Variants in PCMT1 observed in about 807,000 individuals in gnomAD.
The protein encoded by PCMT1 is protein-L-isoaspartate (D-aspartate) O-methyltransferase.
PCMT1 carries 9 observed loss-of-function variants against 29.2 expected under a neutral mutation model. That is an observed-to-expected ratio of 0.31 (90% CI 0.19 to 0.54). PCMT1 has a LOEUF of 0.54. Ranked by LOEUF, PCMT1 falls within the 20% of genes least tolerant of loss-of-function variation. The pLI is 0.95. For synonymous variants in PCMT1, 98 were observed against 97.5 expected, an observed-to-expected ratio of 1.00 and a Z score of -0.03; for missense variants, 184 against 282.2, an observed-to-expected ratio of 0.65 and a Z score of 2.49.
chr6:149,771,170 A>G lies in PCMT1; in HGVS notation c.64A>G (p.Ile22Val). The G allele has an allele frequency of 6.2e-7, 1 of 1,600,372 alleles. No homozygotes were observed. Among genetic ancestry groups the G allele is most frequent in the Non-Finnish European group, 8.5e-7 (1 of 1,170,240 alleles). ...ELIHNLRKNG[I>V]IKTDKVFEVM... ...TGCCTCACTTGTTTCAGAAAATGGAATCATCAAGACAGATAAAGTATTTGA... is the reference window on the plus strand; with the variant it reads ...TGCCTCACTTGTTTCAGAAAATGGAGTCATCAAGACAGATAAAGTATTTGA... The change falls in exon 2 of 8, where the codon ATC becomes GTC. Residue 22 changes from isoleucine to valine, a missense_variant. By Grantham distance (29) the Ile-to-Val change is conservative. Coordinates refer to ENST00000464889, the MANE Select transcript of PCMT1 (RefSeq NM_001360452.2).
At chr6:149,755,623 T>C (rs1199564789) in intron 1 of PCMT1, among the ~76,000 whole-genome samples, 2 of 152,210 alleles carry the variant, frequency 1.3e-5, no homozygotes, top group East Asian at 3.8e-4. Context: ...TAATGATCAA[T>C]TGTTTCTACT....
Position 149,776,604 on chromosome 6 carries a change from G to T in PCMT1, c.192+3435G>T, listed in dbSNP as rs73608693. 4.8e-3 allele frequency among the ~76,000 whole-genome samples: 733 copies of T among 152,000 alleles called. 6 individuals carry two copies. The highest frequency in any genetic ancestry group is 0.017 in the African/African-American group (718 of 41,442). On this transcript the variant is annotated intron_variant, in intron 3 of 7. Transcript: ENST00000464889. Reference sequence around the variant, plus strand: ...TAAAATTTTTTTTTGTAGAGACAGGGCCTCACTTTGTTACCCCAGGTTGGT... The same window carrying T: ...TAAAATTTTTTTTTGTAGAGACAGGTCCTCACTTTGTTACCCCAGGTTGGT...
chr6:149,771,293 A>G, intron 2 of PCMT1, 27 bp downstream of exon 2: 3 of 1,311,984 alleles, frequency 2.3e-6, no homozygotes, highest in Non-Finnish European at 3.3e-6. Flanking sequence ...TGAAAATATC[A>G]TAGTTTTCAT....
rs1204740762 is a variant in PCMT1 at position 149,771,170 on chromosome 6, A to T, written c.64A>T (p.Ile22Phe). The change falls in exon 2 of 8, where the codon ATC becomes TTC. Residue 22 changes from isoleucine (I) to phenylalanine (F), a missense_variant. By Grantham distance (21) the Ile-to-Phe change is conservative. Coordinates refer to ENST00000464889, the MANE Select transcript of PCMT1 (RefSeq NM_001360452.2). Reference sequence around the variant, plus strand: ...TGCCTCACTTGTTTCAGAAAATGGAATCATCAAGACAGATAAAGTATTTGA... The same window carrying T: ...TGCCTCACTTGTTTCAGAAAATGGATTCATCAAGACAGATAAAGTATTTGA... The part of the protein sequence containing the change: ...ELIHNLRKNG[I>F]IKTDKVFEVM... The T allele has an allele frequency of 6.2e-7, 1 of 1,600,372 alleles. No individual in the cohort carries two copies. The highest frequency in any genetic ancestry group is 8.5e-7 in the Non-Finnish European group (1 of 1,170,240).
intron 3 of PCMT1, among the ~76,000 whole-genome samples, chr6:149,784,270 T>TA: frequency 1.3e-5 from 2 of 152,318 alleles, no homozygotes; most frequent in South Asian, 4.1e-4. Flanking sequence ...GGGGAAAAGA[T>TA]AGCTTTAACT....
intron 1 of PCMT1, among the ~76,000 whole-genome samples, chr6:149,760,968 G>A (rs938851005): frequency 6.6e-6 from 1 of 152,132 alleles, no homozygotes; most frequent in Non-Finnish European, 1.5e-5. Context: ...GACTAATTGG[G>A]AATGCACCCA....
intron 1 of PCMT1, among the ~76,000 whole-genome samples, chr6:149,757,958 C>T (rs539826892): frequency 2.6e-5 from 4 of 152,270 alleles, no homozygotes; most frequent in Non-Finnish European, 4.4e-5. Context: ...TCTTGGCTCA[C>T]TGCAACCTCT....
intron 3 of PCMT1, among the ~76,000 whole-genome samples, chr6:149,787,289 T>TGTGGGG (rs1221377501): frequency 7.1e-6 from 1 of 140,670 alleles, no homozygotes; most frequent in East Asian, 2.2e-4. Flanking sequence ...AGACCGTGGG[T>TGTGGGG]AGAGGGAGAC....
chr6:149,773,409 C>G (rs912920771), intron 3 of PCMT1, among the ~76,000 whole-genome samples: 29 of 152,066 alleles, frequency 1.9e-4, no homozygotes, highest in African/African-American at 7.0e-4. Flanking sequence ...GATGGAGTCT[C>G]GCTCTGTCGC....
At chr6:149,797,883 T>TA (rs956173539) in intron 6 of PCMT1, 19 of 146,882 alleles carry the variant, frequency 1.3e-4, no homozygotes, top group East Asian at 3.9e-4. Context: ...ATTATCTGTT[T>TA]AAAAAAAAAA....
At chr6:149,754,910 G>T (rs1206962577) in intron 1 of PCMT1, among the ~76,000 whole-genome samples, 1 of 152,138 alleles carries the variant, frequency 6.6e-6, no homozygotes, top group Non-Finnish European at 1.5e-5. Flanking sequence ...GAATAATGGT[G>T]CTGGCATGTA....
chr6:149,796,157 A>G (rs1788603981), intron 5 of PCMT1: 1 of 298,028 alleles, frequency 3.4e-6, no homozygotes, highest in Non-Finnish European at 6.1e-6. Context: ...GAGATAGGAA[A>G]ATGAAGCGCT....
intron 2 of PCMT1, chr6:149,772,354 G>T: frequency 3.1e-6 from 1 of 320,190 alleles, no homozygotes; most frequent in East Asian, 8.3e-5. Context: ...AGAATAAAAT[G>T]AAGTATTTTA....
At chr6:149,759,055 TTA>T (rs1786636547) in intron 1 of PCMT1, among the ~76,000 whole-genome samples, 3 of 152,130 alleles carry the variant, frequency 2.0e-5, no homozygotes, top group Non-Finnish European at 4.4e-5. Context: ...TTTTGTATTT[TTA>T]GTAGAGACAG....
chr6:149,750,109 T>G lies in PCMT1; in HGVS notation c.55+153T>G, dbSNP rs1786241885. ...CCCGGTAGTCCCGAACGGCGTGCGCTTGCAGTCGCCTCCCTCGGGACCTGT... is the reference window on the plus strand; with the variant it reads ...CCCGGTAGTCCCGAACGGCGTGCGCGTGCAGTCGCCTCCCTCGGGACCTGT... On this transcript the variant is annotated intron_variant, in intron 1 of 7. Transcript: ENST00000464889. 3.7e-6 allele frequency: 4 copies of G among 1,093,280 alleles called. No homozygotes were observed. The African/African-American group carries it at 6.4e-5, about 17-fold the overall frequency. The allele number at this position is 1,093,280 out of a possible 1,614,324, so 67.7% of individuals were successfully genotyped here.
At chr6:149,785,609 C>T (rs2115292500) in intron 3 of PCMT1, among the ~76,000 whole-genome samples, 1 of 104,302 alleles carries the variant, frequency 9.6e-6, no homozygotes, top group East Asian at 4.7e-4. Context: ...GGTGATGACT[C>T]TTAACGAGCA....
intron 6 of PCMT1, 89 bp downstream of exon 6, chr6:149,796,589 A>T: frequency 1.1e-6 from 1 of 869,920 alleles, no homozygotes; most frequent in Non-Finnish European, 1.8e-6. Context: ...TGATGTTCAA[A>T]ATATAATTAG....
intron 6 of PCMT1, among the ~76,000 whole-genome samples, chr6:149,800,774 A>G (rs1775803374): frequency 6.6e-6 from 1 of 152,088 alleles, no homozygotes; most frequent in Non-Finnish European, 1.5e-5. Flanking sequence ...TTCTACAATA[A>G]TAGGATAGGG....
At chr6:149,795,786 A>C (rs991136990) in intron 5 of PCMT1, 1 of 180,680 alleles carries the variant, frequency 5.5e-6, no homozygotes, top group African/African-American at 2.4e-5. Context: ...TGCTGCTGCC[A>C]AAGTATTCCT....
Sources: gnomAD v4.1 joint callset for allele counts (sites outside exome capture counted in the v4.1 genomes callset) on GRCh38, gnomAD v4.1.1 for gene constraint, MANE v1.5 for transcripts, NCBI Gene and HGNC (gene_info 2026-07-23, HGNC 2026-07-21) for gene names.